CTNNA3: variants seen among roughly 807,000 people sequenced by gnomAD.
CTNNA3 encodes catenin alpha-3.
In CTNNA3, 76 loss-of-function variants were observed where a neutral mutation model predicts 95.7. That is an observed-to-expected ratio of 0.79 (90% confidence interval 0.66 to 0.96). CTNNA3 has a LOEUF of 0.96. Ranked by LOEUF, CTNNA3 falls within the 40% of genes least tolerant of loss-of-function variation. CTNNA3 has a pLI of 0.00. For synonymous variants in CTNNA3, 431 were observed against 374.4 expected (o/e 1.15, Z -1.74); for missense variants, 1,191 against 1,089.8 (o/e 1.09, Z -1.31).
At chr10:66,043,843 G>A (rs1036790748) in intron 15 of CTNNA3, among the ~76,000 whole-genome samples, 4 of 152,096 alleles carry the variant, frequency 2.6e-5, no homozygotes, top group African/African-American at 4.8e-5. Flanking sequence ...GCAAACTGAC[G>A]CTCCTGAAAT....
At chr10:66,340,029 CTAA>C (rs1193786528) in intron 12 of CTNNA3, among the ~76,000 whole-genome samples, 1 of 151,554 alleles carries the variant, frequency 6.6e-6, no homozygotes, top group Non-Finnish European at 1.5e-5. Context: ...AATACATGTA[CTAA>C]TGTTACCCAG....
At chr10:67,240,886 A>G (rs1304312814) in intron 5 of CTNNA3, among the ~76,000 whole-genome samples, 1 of 152,142 alleles carries the variant, frequency 6.6e-6, no homozygotes, top group Admixed American at 6.5e-5. Context: ...CACTATGTTC[A>G]TTTCCTGTTC....
At chr10:67,017,889 C>G (rs1045558761) in intron 7 of CTNNA3, among the ~76,000 whole-genome samples, 1 of 152,102 alleles carries the variant, frequency 6.6e-6, no homozygotes, top group African/African-American at 2.4e-5. Flanking sequence ...CCTGCCTCAG[C>G]CTCCCAAGTA....
At chr10:67,556,088 ATCC>A (rs1841237081) in intron 3 of CTNNA3, among the ~76,000 whole-genome samples, 1 of 152,216 alleles carries the variant, frequency 6.6e-6, no homozygotes, top group Non-Finnish European at 1.5e-5. Flanking sequence ...CCAGCCTTGC[ATCC>A]CAGGGATAAA....
chr10:66,424,799 A>T (rs994029015), intron 11 of CTNNA3, among the ~76,000 whole-genome samples: 1 of 152,082 alleles, frequency 6.6e-6, no homozygotes, highest in Non-Finnish European at 1.5e-5. Context: ...TGACTTGTTC[A>T]AATCTTATAT....
At chr10:66,126,668 C>A (rs1201935316) in intron 13 of CTNNA3, among the ~76,000 whole-genome samples, 2 of 152,020 alleles carry the variant, frequency 1.3e-5, no homozygotes, top group African/African-American at 4.8e-5. Context: ...TTTAAATCTG[C>A]AAGTACACAC....
chr10:67,387,137 A>G (rs1033020208), intron 5 of CTNNA3, among the ~76,000 whole-genome samples: 4 of 151,996 alleles, frequency 2.6e-5, no homozygotes, highest in Non-Finnish European at 4.4e-5. Flanking sequence ...TGCATTTCCA[A>G]CTGAGGTACC....
At chr10:65,988,559 C>A in intron 16 of CTNNA3, 133 bp downstream of exon 16, 1 of 620,988 alleles carries the variant, frequency 1.6e-6, no homozygotes, top group South Asian at 2.1e-5. Context: ...ATTAATAGAG[C>A]TATTAGAAAT....
At chr10:66,935,058 A>T (rs1362943049) in intron 7 of CTNNA3, among the ~76,000 whole-genome samples, 1 of 152,122 alleles carries the variant, frequency 6.6e-6, no homozygotes, top group African/African-American at 2.4e-5. Flanking sequence ...TAGCTAAAAA[A>T]GTGCTCCTTG....
intron 7 of CTNNA3, among the ~76,000 whole-genome samples, chr10:67,124,358 G>A (rs1236350591): frequency 6.6e-6 from 1 of 151,416 alleles, no homozygotes; most frequent in Non-Finnish European, 1.5e-5. Context: ...GTGTGTGTGT[G>A]TGTGTGTGTG....
In CTNNA3 at chr10:66,418,556, G is replaced by GACAC. The variant is rs57694585; in HGVS notation, c.1532-39208_1532-39205dup. On this transcript the variant is annotated intron_variant, in intron 11 of 17. Transcript: ENST00000433211. ...CATTCTGATACCAAAAGCACACAGGGACACACACACACACACACACACACA... is the reference window on the plus strand; with the variant it reads ...CATTCTGATACCAAAAGCACACAGGGACACACACACACACACACACACACACACA... 6.4e-3 allele frequency among the ~76,000 whole-genome samples: 921 copies of GACAC among 144,428 alleles called. 9 individuals are homozygous for GACAC. The highest frequency in any genetic ancestry group is 0.016 in the African/African-American group (627 of 38,486). The allele number at this position is 144,428 out of a possible 152,430, so 94.8% of individuals were successfully genotyped here.
chr10:66,467,594 C>T (rs1200679149), intron 11 of CTNNA3, among the ~76,000 whole-genome samples: 1 of 152,006 alleles, frequency 6.6e-6, no homozygotes, highest in East Asian at 1.9e-4. Context: ...TAGGGAGAGG[C>T]ACAAAATAAG....
At chr10:67,727,464 A>G (rs1841242609) in intron 1 of CTNNA3, among the ~76,000 whole-genome samples, 1 of 133,650 alleles carries the variant, frequency 7.5e-6, no homozygotes, top group Non-Finnish European at 1.6e-5. Context: ...CATATATATC[A>G]TATATTATAT....
At chr10:66,331,492 T>C (rs1012536645) in intron 12 of CTNNA3, among the ~76,000 whole-genome samples, 11 of 151,176 alleles carry the variant, frequency 7.3e-5, no homozygotes, top group Admixed American at 5.9e-4. Flanking sequence ...TAGCTGGGAC[T>C]ACAGGCGCGC....
intron 3 of CTNNA3, among the ~76,000 whole-genome samples, chr10:67,600,277 A>G (rs1843046645): frequency 6.6e-6 from 1 of 152,156 alleles, no homozygotes; most frequent in Non-Finnish European, 1.5e-5. Context: ...GTAACGTAAG[A>G]AAATATCTTC....
At chr10:67,028,959 A>G (rs1853558787) in intron 7 of CTNNA3, among the ~76,000 whole-genome samples, 1 of 152,170 alleles carries the variant, frequency 6.6e-6, no homozygotes, top group Admixed American at 6.5e-5. Context: ...TAGAAATTAG[A>G]GTGCCTCAAA....
At chr10:65,967,016 G>A (rs945972619) in intron 16 of CTNNA3, among the ~76,000 whole-genome samples, 2 of 152,134 alleles carry the variant, frequency 1.3e-5, no homozygotes, top group African/African-American at 4.8e-5. Flanking sequence ...GAGTGCAGTG[G>A]CAAGATCTTG....
chr10:67,577,986 C>T lies in CTNNA3; in HGVS notation c.292+28871G>A, dbSNP rs188594423. Among the ~76,000 whole-genome samples the T allele has an allele frequency of 4.1e-5, 6 of 145,442 alleles. No homozygotes were observed. The East Asian group carries it at 1.2e-3, about 28-fold the overall frequency. On this transcript the variant is annotated intron_variant, in intron 3 of 17. Coordinates refer to ENST00000433211, the MANE Select transcript of CTNNA3 (RefSeq NM_013266.4). The stretch of plus-strand genomic sequence containing the variant: ...TCTACCAACAGAATATAAGAGTTTT[C>T]TTTTCTCCACATCCTCGCCAACATC...
chr10:66,381,182 G>A (rs10997100), intron 11 of CTNNA3, among the ~76,000 whole-genome samples: 38 of 152,170 alleles, frequency 2.5e-4, no homozygotes, highest in African/African-American at 8.4e-4. Flanking sequence ...AATCCTTCAT[G>A]ATCTTCCATG....
Sources: allele counts gnomAD v4.1 joint callset (sites outside exome capture counted in the v4.1 genomes callset), GRCh38; gene constraint gnomAD v4.1.1; transcripts MANE v1.5; gene names NCBI Gene and HGNC (gene_info 2026-07-23, HGNC 2026-07-21).